Variants in GBF1 observed in about 807,000 individuals in gnomAD.
The protein encoded by GBF1 is golgi brefeldin A resistant guanine nucleotide exchange factor 1, also known as Golgi-specific brefeldin A-resistance guanine nucleotide exchange factor 1.
In GBF1, 114 loss-of-function variants were observed where a neutral mutation model predicts 210.5. The observed-to-expected ratio is 0.54, with a 90% CI of 0.47 to 0.63. The LOEUF (loss-of-function observed/expected upper bound fraction) is 0.63, where lower values mean the gene tolerates loss of function less well. Among genes scored for constraint, GBF1 ranks in the 30% least tolerant of loss-of-function variants. The pLI is 0.00. For synonymous variants in GBF1, 850 were observed against 889.2 expected (o/e 0.96, Z 0.78); for missense variants, 1,851 against 2,357.7 (o/e 0.79, Z 4.45).
At chr10:102,265,329 A>T (rs2073746182) in intron 3 of GBF1, among the ~76,000 whole-genome samples, 3 of 152,148 alleles carry the variant, frequency 2.0e-5, no homozygotes, top group Admixed American at 2.0e-4. Flanking sequence ...GATCATTACA[A>T]AGAGATTCTT....
At chr10:102,277,879 A>C (rs1373049485) in intron 3 of GBF1, among the ~76,000 whole-genome samples, 1 of 151,950 alleles carries the variant, frequency 6.6e-6, no homozygotes, top group Non-Finnish European at 1.5e-5. Context: ...AAATTACATT[A>C]GTTGTCATGT....
chr10:102,367,581 G>A, intron 21 of GBF1, 21 bp downstream of exon 21: 1 of 1,277,422 alleles, frequency 7.8e-7, no homozygotes, highest in Non-Finnish European at 1.1e-6. Context: ...ATAGAGAATA[G>A]TGCAGTATCT....
chr10:102,302,961 A>G (rs1017843149), intron 3 of GBF1, among the ~76,000 whole-genome samples: 1 of 144,412 alleles, frequency 6.9e-6, no homozygotes, highest in African/African-American at 2.6e-5. Context: ...TAGCTTTTAC[A>G]TTTAGATCTT....
At chr10:102,269,289 G>A (rs111656318) in intron 3 of GBF1, among the ~76,000 whole-genome samples, 299 of 152,348 alleles carry the variant, frequency 2.0e-3, no homozygotes, top group African/African-American at 6.9e-3. Flanking sequence ...TTCTGGCCCA[G>A]TGTGAAGTGG....
chr10:102,368,685 G>A (rs890825780), intron 22 of GBF1, 54 bp from the exon 23 acceptor site: 3 of 1,257,816 alleles, frequency 2.4e-6, no homozygotes, highest in Non-Finnish European at 3.5e-6. Context: ...GGACTTGGAA[G>A]GGCTGCTTGG....
At chr10:102,261,731 C>T (rs535678092) in intron 3 of GBF1, among the ~76,000 whole-genome samples, 6 of 149,676 alleles carry the variant, frequency 4.0e-5, no homozygotes, top group Non-Finnish European at 7.4e-5. Flanking sequence ...AAGCGATTTT[C>T]GTGCCTCAGC....
At position 102,361,929 on chromosome 10, in the gene GBF1, C is replaced by T; in HGVS notation, c.1686+17C>T. On this transcript the variant is annotated intron_variant, in intron 14 of 39. Coordinates refer to ENST00000369983, the MANE Select transcript of GBF1 (RefSeq NM_001377137.1). ...CTGTCCAAGGTGCTGAGCACTATAA[C>T]TGGCTTCTAGGAAAAAACGCATTAT... 1.3e-6 allele frequency: 2 copies of T among 1,526,226 alleles called. No homozygotes were observed. The highest frequency in any genetic ancestry group is 1.4e-5 in the African/African-American group (1 of 71,688). The allele number at this position is 1,526,226 out of a possible 1,614,324, so 94.5% of individuals were successfully genotyped here.
At chr10:102,293,261 C>G (rs889266296) in intron 3 of GBF1, among the ~76,000 whole-genome samples, 4 of 152,198 alleles carry the variant, frequency 2.6e-5, no homozygotes, top group African/African-American at 4.8e-5. Context: ...TTGTAGCCAT[C>G]ATAATGTCAT....
intron 7 of GBF1, among the ~76,000 whole-genome samples, chr10:102,352,942 C>T (rs574361839): frequency 1.3e-5 from 2 of 152,222 alleles, no homozygotes; most frequent in East Asian, 3.9e-4. Context: ...GGCAAACCCC[C>T]CTCAGTCCCA....
At chr10:102,303,437 G>A (rs983278194) in intron 3 of GBF1, among the ~76,000 whole-genome samples, 7 of 152,120 alleles carry the variant, frequency 4.6e-5, no homozygotes, top group African/African-American at 1.2e-4. Context: ...AAATGGCCCT[G>A]GTGTAAAATG....
chr10:102,381,932 G>A (rs1247110503), intron 39 of GBF1, 124 bp from the exon 40 acceptor site: 5 of 693,310 alleles, frequency 7.2e-6, no homozygotes, highest in Non-Finnish European at 1.1e-5. Flanking sequence ...TAGGCTGGTG[G>A]GGGGCCGTGT....
chr10:102,305,069 T>C (rs2077727058), intron 3 of GBF1, among the ~76,000 whole-genome samples: 1 of 151,784 alleles, frequency 6.6e-6, no homozygotes, highest in Admixed American at 6.6e-5. Flanking sequence ...AAATAAAAAT[T>C]TTATGTAAAA....
intron 29 of GBF1, among the ~76,000 whole-genome samples, chr10:102,371,448 A>C (rs945948368): frequency 2.2e-4 from 33 of 152,352 alleles, no homozygotes; most frequent in African/African-American, 7.7e-4. Flanking sequence ...GAAGAGGCAT[A>C]CTATGTTCAT....
chr10:102,346,146 CTAATTTTTGTATTTTTAGTA>C (rs1475481019), intron 4 of GBF1, among the ~76,000 whole-genome samples: 1 of 152,010 alleles, frequency 6.6e-6, no homozygotes, highest in Non-Finnish European at 1.5e-5. Context: ...CCACGCCCGG[CTAATTTTTGTATTTTTAGTA>C]GAGACAGGGT....
At chr10:102,364,217 CTTTTTTTTTT>C (rs1031275118) in intron 17 of GBF1, among the ~76,000 whole-genome samples, 7 of 66,940 alleles carry the variant, frequency 1.0e-4, no homozygotes, top group South Asian at 5.9e-4. Context: ...CTTTGGATTT[CTTTTTTTTTT>C]TTTTTTTTTT....
At chr10:102,377,606 G>A (rs1400179589) in intron 33 of GBF1, among the ~76,000 whole-genome samples, 1 of 152,082 alleles carries the variant, frequency 6.6e-6, no homozygotes, top group Non-Finnish European at 1.5e-5. Flanking sequence ...GCCTGCCTCG[G>A]CCTCTCAAAG....
At chr10:102,369,437 C>A in intron 24 of GBF1, 50 bp downstream of exon 24, 1 of 1,375,100 alleles carries the variant, frequency 7.3e-7, no homozygotes, top group Non-Finnish European at 1.0e-6. Flanking sequence ...AGAGCTGCAA[C>A]ATTGTATGCT....
intron 3 of GBF1, among the ~76,000 whole-genome samples, chr10:102,285,616 C>T (rs1198044284): frequency 6.6e-6 from 1 of 152,098 alleles, no homozygotes; most frequent in Non-Finnish European, 1.5e-5. Flanking sequence ...CTACTTCTTG[C>T]ATCTATATAT....
At chr10:102,314,166 G>C (rs1241313875) in intron 3 of GBF1, among the ~76,000 whole-genome samples, 8 of 127,424 alleles carry the variant, frequency 6.3e-5, no homozygotes, top group Non-Finnish European at 1.3e-4. Flanking sequence ...TTTTTCTGGA[G>C]TCAGGATTAC....
Sources: gnomAD v4.1 joint callset for allele counts (sites outside exome capture counted in the v4.1 genomes callset) on GRCh38, gnomAD v4.1.1 for gene constraint, MANE v1.5 for transcripts, NCBI Gene and HGNC (gene_info 2026-07-23, HGNC 2026-07-21) for gene names.